Variants in CHODL observed in about 807,000 individuals in gnomAD.
CHODL encodes the protein chondrolectin.
Under a neutral mutation model 34.5 loss-of-function variants are expected in CHODL, and 29 were observed. The observed-to-expected ratio is 0.84, with a 90% CI of 0.63 to 1.15. CHODL has a LOEUF of 1.15. Ranked by LOEUF, CHODL falls within the 50% of genes most tolerant of loss-of-function variation. CHODL has a pLI of 0.00. For missense variants in CHODL, 332 were observed against 332.5 expected, an observed-to-expected ratio of 1.00 and a Z score of 0.01; for synonymous variants, 125 against 116.1, an observed-to-expected ratio of 1.08 and a Z score of -0.49.
intron 1 of CHODL, among the ~76,000 whole-genome samples, chr21:17,942,076 A>G (rs949248313): frequency 6.6e-6 from 1 of 152,246 alleles, no homozygotes; most frequent in African/African-American, 2.4e-5. Flanking sequence ...TCAGATCATA[A>G]CAACACTAGC....
chr21:18,007,152 GA>G (rs1345765793), intron 1 of CHODL, among the ~76,000 whole-genome samples: 2 of 152,214 alleles, frequency 1.3e-5, no homozygotes, highest in East Asian at 1.9e-4. Context: ...AAGAAAAAAA[GA>G]AAAAAACTAA....
rs1332909233 is a variant in CHODL, at chr21:18,079,445, AC to A, written c.-45+51476del. On this transcript the variant is annotated intron_variant, in intron 2 of 6. Coordinates refer to the CHODL transcript ENST00000400127. ...ATAGAATATTATATATCACACATAT[AC>A]CATAGAATATTATATATATATCACA... is the stretch of plus-strand genomic sequence containing the variant. Among the ~76,000 whole-genome samples, 22 of 147,990 alleles carry A rather than the reference AC, an allele frequency of 1.5e-4. No individual in the cohort carries two copies. In the East Asian group the frequency reaches 4.3e-3, roughly 29 times the overall value.
intron 1 of CHODL, among the ~76,000 whole-genome samples, chr21:17,978,150 G>A (rs1338078436): frequency 6.6e-6 from 1 of 151,948 alleles, no homozygotes; most frequent in Non-Finnish European, 1.5e-5. Context: ...TCGGCCAGGC[G>A]TGGTGGCTCA....
At chr21:18,247,175 T>C (rs925575251) in intron 1 of CHODL, among the ~76,000 whole-genome samples, 1 of 152,132 alleles carries the variant, frequency 6.6e-6, no homozygotes. Context: ...TTTGTAGCAA[T>C]AGTTTCTAAT....
chr21:18,149,963 G>T (rs1286069946), intron 2 of CHODL, among the ~76,000 whole-genome samples: 3 of 152,180 alleles, frequency 2.0e-5, no homozygotes, highest in Non-Finnish European at 4.4e-5. Context: ...AGGAGGTCGT[G>T]AGAACATGTG....
Position 18,159,812 on chromosome 21 carries a change from A to ATG in CHODL, c.-44-96697_-44-96696insTG, listed in dbSNP as rs1387214520. ...AGAGAATCAGATAGATGGCAGCATG[A>ATG]GAAGGATTCGACCTGCTGGTGCTGT... On this transcript the variant is annotated intron_variant, in intron 2 of 6. Coordinates refer to the CHODL transcript ENST00000400127. Among the ~76,000 whole-genome samples the ATG allele has an allele frequency of 7.9e-4, 120 of 152,300 alleles. 1 individual carries two copies. Among genetic ancestry groups the ATG allele is most frequent in the African/African-American group, 2.7e-3 (113 of 41,578 alleles).
At chr21:18,076,448 A>G (rs1193599393) in intron 2 of CHODL, among the ~76,000 whole-genome samples, 3 of 152,232 alleles carry the variant, frequency 2.0e-5, no homozygotes, top group Admixed American at 6.5e-5. Context: ...ATATCTAAGC[A>G]AAATGTTGAA....
chr21:18,013,121 ATTAC>A (rs1384073844), intron 1 of CHODL, among the ~76,000 whole-genome samples: 5 of 152,146 alleles, frequency 3.3e-5, no homozygotes, highest in African/African-American at 1.2e-4. Context: ...AATTTTTCCA[ATTAC>A]TTGCCCAGAT....
chr21:18,075,413 G>A (rs2064852627), intron 2 of CHODL, among the ~76,000 whole-genome samples: 1 of 152,156 alleles, frequency 6.6e-6, no homozygotes, highest in Non-Finnish European at 1.5e-5. Flanking sequence ...CTTTCCCCAT[G>A]TTTACCATAC....
At chr21:18,033,700 C>G (rs1038657833) in intron 2 of CHODL, among the ~76,000 whole-genome samples, 1 of 151,862 alleles carries the variant, frequency 6.6e-6, no homozygotes, top group African/African-American at 2.4e-5. Flanking sequence ...TAGGGTATAG[C>G]CTTGGATCTG....
chr21:18,248,912 AATACATATATATGT>A (rs1200591917), intron 1 of CHODL, among the ~76,000 whole-genome samples: 2 of 116,298 alleles, frequency 1.7e-5, no homozygotes, highest in Admixed American at 1.1e-4. Flanking sequence ...ATATATGTAT[AATACATATATATGT>A]ATACATATAT....
rs535470558 is a variant in CHODL, at chr21:18,074,567, C to T, written c.-45+46596C>T. 8.1e-4 allele frequency among the ~76,000 whole-genome samples: 124 copies of T among 152,170 alleles called. 1 individual carries two copies. In the South Asian group the frequency reaches 0.01, roughly 13 times the overall value. On this transcript the variant is annotated intron_variant, in intron 2 of 6. Transcript: ENST00000400127. The stretch of plus-strand genomic sequence containing the variant: ...TTTCCCCTGTGCTTTTAAAAGTTTT[C>T]GCTTGACTAATTGATTCAAATACTT...
rs570523172 is a variant in CHODL at position 18,145,391 on chromosome 21, C to T, written c.-44-111118C>T. ...GGCGGAGCTGGCAGTGAGCCAAGAT[C>T]GCGCCACTGCACTCCAGCCTAGGGG... On this transcript the variant is annotated intron_variant, in intron 2 of 6. Transcript: ENST00000400127. Among the ~76,000 whole-genome samples the T allele has an allele frequency of 4.0e-4, 56 of 140,968 alleles. No homozygotes were observed. In the South Asian group the frequency reaches 7.5e-3, roughly 19 times the overall value. 92.5% of individuals were successfully genotyped at this position (140,968 alleles called of 152,430 possible).
intron 1 of CHODL, among the ~76,000 whole-genome samples, chr21:17,925,775 T>C (rs2063217669): frequency 6.6e-6 from 1 of 152,216 alleles, no homozygotes. Flanking sequence ...GCCACACACT[T>C]TCTGAGTTCC....
intron 1 of CHODL, among the ~76,000 whole-genome samples, chr21:17,956,279 ACTCT>A (rs59983766): frequency 0.55 from 70,731 of 129,444 alleles, 24,921 homozygotes; most frequent in East Asian, 0.89. Flanking sequence ...ACCTCCCCTC[ACTCT>A]CTCTCTCATG....
chr21:18,243,014 G>A (rs1176331208), upstream of CHODL, among the ~76,000 whole-genome samples: 3 of 152,160 alleles, frequency 2.0e-5, no homozygotes, highest in Non-Finnish European at 4.4e-5. Context: ...ACTGAGAGTA[G>A]GGTGGCATGA....
intron 1 of CHODL, among the ~76,000 whole-genome samples, chr21:17,978,311 A>G (rs1470320064): frequency 6.6e-6 from 1 of 151,690 alleles, no homozygotes; most frequent in Non-Finnish European, 1.5e-5. Context: ...AGTCCCAGCT[A>G]CTTGGGAGGC....
At chr21:18,017,845 A>T (rs1408188793) in intron 1 of CHODL, among the ~76,000 whole-genome samples, 1 of 152,212 alleles carries the variant, frequency 6.6e-6, no homozygotes, top group Non-Finnish European at 1.5e-5. Flanking sequence ...GGCACTCAAC[A>T]ACCTATGGGA....
intron 1 of CHODL, among the ~76,000 whole-genome samples, chr21:17,986,953 A>T (rs1473058533): frequency 6.6e-6 from 1 of 152,206 alleles, no homozygotes; most frequent in Non-Finnish European, 1.5e-5. Flanking sequence ...GTAGATGGCC[A>T]TGGGTGGCGA....
Sources: allele counts gnomAD v4.1 joint callset (sites outside exome capture counted in the v4.1 genomes callset), GRCh38; gene constraint gnomAD v4.1.1; transcripts MANE v1.5; gene names NCBI Gene and HGNC (gene_info 2026-07-23, HGNC 2026-07-21).